DDAH1: variants seen among roughly 807,000 people sequenced by gnomAD.
DDAH1 encodes dimethylarginine dimethylaminohydrolase 1, also known as N(G),N(G)-dimethylarginine dimethylaminohydrolase 1.
Under a neutral mutation model 28.8 loss-of-function variants are expected in DDAH1, and 19 were observed. The ratio of observed to expected loss-of-function variants is 0.66; its 90% confidence interval spans 0.46 to 0.97. The LOEUF is 0.97. Ranked by LOEUF, DDAH1 falls within the 50% of genes least tolerant of loss-of-function variation. The pLI, the probability that DDAH1 is intolerant of heterozygous loss-of-function variation, is 0.00. For synonymous variants in DDAH1, 153 were observed against 154.4 expected (o/e 0.99, Z 0.07); for missense variants, 326 against 375.9 (o/e 0.87, Z 1.10).
At chr1:85,518,658 G>C (rs1159276708) in intron 1 of DDAH1, among the ~76,000 whole-genome samples, 1 of 152,088 alleles carries the variant, frequency 6.6e-6, no homozygotes, top group Non-Finnish European at 1.5e-5. Context: ...ATTAGATTGG[G>C]TGCACCTAGA....
chr1:85,328,215 G>A (rs1437572979), intron 4 of DDAH1, among the ~76,000 whole-genome samples: 1 of 152,184 alleles, frequency 6.6e-6, no homozygotes, highest in African/African-American at 2.4e-5. Flanking sequence ...AAGACAACAG[G>A]GGGTTGGATC....
intron 1 of DDAH1, among the ~76,000 whole-genome samples, chr1:85,437,988 T>C (rs1240535555): frequency 6.6e-6 from 1 of 152,228 alleles, no homozygotes; most frequent in African/African-American, 2.4e-5. Flanking sequence ...TATGTACTAC[T>C]ATGCAGCCAT....
chr1:85,355,534 A>G (rs986240428), intron 2 of DDAH1, among the ~76,000 whole-genome samples: 2 of 152,222 alleles, frequency 1.3e-5, no homozygotes, highest in Non-Finnish European at 2.9e-5. Flanking sequence ...GACTGGTCAA[A>G]TATCAGAAAA....
At chr1:85,574,321 C>G (rs1331781755) in intron 1 of DDAH1, among the ~76,000 whole-genome samples, 2 of 151,092 alleles carry the variant, frequency 1.3e-5, no homozygotes, top group Admixed American at 1.3e-4. Context: ...ACAAGGAAAC[C>G]TAGGCAAAAA....
chr1:85,492,068 T>C (rs1200906588), intron 2 of DDAH1, among the ~76,000 whole-genome samples: 2 of 152,218 alleles, frequency 1.3e-5, no homozygotes, highest in African/African-American at 4.8e-5. Flanking sequence ...ATCCTCATTT[T>C]ATGGATGAGG....
intron 2 of DDAH1, chr1:85,495,184 A>G (rs1197776887): frequency 1.4e-5 from 2 of 146,250 alleles, no homozygotes; most frequent in African/African-American, 5.0e-5. Flanking sequence ...TTTACTGTCT[A>G]TCTGTCTGTA....
chr1:85,427,172 GTC>G (rs1327285086), intron 1 of DDAH1, among the ~76,000 whole-genome samples: 1 of 151,404 alleles, frequency 6.6e-6, no homozygotes, highest in Non-Finnish European at 1.5e-5. Flanking sequence ...GAGAATACAG[GTC>G]TCTGATTCTC....
intron 1 of DDAH1, among the ~76,000 whole-genome samples, chr1:85,536,533 C>T (rs1412818889): frequency 2.0e-5 from 3 of 152,112 alleles, no homozygotes; most frequent in Admixed American, 2.0e-4. Context: ...AGCCTGGCAA[C>T]AGAGCAAGAT....
At chr1:85,527,577 C>A (rs1657918271) in intron 1 of DDAH1, among the ~76,000 whole-genome samples, 1 of 152,170 alleles carries the variant, frequency 6.6e-6, no homozygotes, top group South Asian at 2.1e-4. Flanking sequence ...CTATTAGATG[C>A]AGTTTCAGAA....
chr1:85,408,144 C>T (rs1020075672), intron 1 of DDAH1, among the ~76,000 whole-genome samples: 3 of 152,284 alleles, frequency 2.0e-5, no homozygotes, highest in Non-Finnish European at 2.9e-5. Flanking sequence ...CCTTGTTTCC[C>T]AGTGGTGAAC....
At chr1:85,522,334 A>T (rs1657720915) in intron 1 of DDAH1, among the ~76,000 whole-genome samples, 2 of 76,468 alleles carry the variant, frequency 2.6e-5, no homozygotes, top group Non-Finnish European at 5.2e-5. Flanking sequence ...TAAAAATTCC[A>T]TGCTATTTAT....
rs373358083 is a variant in DDAH1, at chr1:85,351,858, G to A, written c.404-279C>T. 1.7e-4 allele frequency among the ~76,000 whole-genome samples: 26 copies of A among 152,298 alleles called. 1 individual carries two copies. The South Asian group carries it at 5.4e-3, about 32-fold the overall frequency. On this transcript the variant is annotated intron_variant, in intron 2 of 5. Transcript: ENST00000284031. ...TAATGGATAGGAAGTTTCAGTTTGG[G>A]AAGATGAAAAAGTTCTGGAGATGCC...
At chr1:85,496,969 G>A (rs1448999000) in intron 1 of DDAH1, among the ~76,000 whole-genome samples, 3 of 152,168 alleles carry the variant, frequency 2.0e-5, no homozygotes, top group Non-Finnish European at 1.5e-5. Flanking sequence ...CTGCATAAAG[G>A]AACAAAGGCT....
chr1:85,505,632 G>A (rs568707309), intron 1 of DDAH1, among the ~76,000 whole-genome samples: 1 of 152,182 alleles, frequency 6.6e-6, no homozygotes, highest in African/African-American at 2.4e-5. Context: ...TACTGAACCT[G>A]TCTATATTCT....
chr1:85,526,200 T>C (rs1273886190), intron 1 of DDAH1, among the ~76,000 whole-genome samples: 3 of 152,202 alleles, frequency 2.0e-5, no homozygotes, highest in African/African-American at 7.2e-5. Context: ...AGCAACACTT[T>C]CAGTGAGCCC....
At chr1:85,483,230 G>T (rs1016998313) in intron 2 of DDAH1, among the ~76,000 whole-genome samples, 1 of 132,554 alleles carries the variant, frequency 7.5e-6, no homozygotes. Flanking sequence ...AAAAAAAAAA[G>T]AATTCTCTTA....
rs536232863 is a variant in DDAH1 at position 85,501,098 on chromosome 1, T to C, written c.-122-4817A>G. ...GACTTAAAAAAATCTGTTGTGGTCA[T>C]GCCTCTTCACATATCTAGTAATTTT... is the stretch of plus-strand genomic sequence containing the variant. On this transcript the variant is annotated intron_variant, in intron 1 of 6. Transcript: ENST00000426972. Among the ~76,000 whole-genome samples the C allele has an allele frequency of 3.3e-5, 5 of 152,358 alleles. No individual in the cohort carries two copies. The South Asian group carries it at 1.0e-3, about 32-fold the overall frequency.
At chr1:85,557,012 G>A (rs959634249) in intron 1 of DDAH1, among the ~76,000 whole-genome samples, 1 of 152,160 alleles carries the variant, frequency 6.6e-6, no homozygotes, top group Non-Finnish European at 1.5e-5. Flanking sequence ...AGCTAATCAG[G>A]AGGCTGAGAC....
chr1:85,467,763 T>A (rs978523298), upstream of DDAH1: 3 of 152,242 alleles, frequency 2.0e-5, no homozygotes, highest in African/African-American at 7.2e-5. Context: ...ATTTTTCCCA[T>A]GAATATTTAT....
Sources: allele counts gnomAD v4.1 joint callset (sites outside exome capture counted in the v4.1 genomes callset), GRCh38; gene constraint gnomAD v4.1.1; transcripts MANE v1.5; gene names NCBI Gene and HGNC (gene_info 2026-07-23, HGNC 2026-07-21).